The following ZFHX3 variants were observed in gnomAD, a reference collection of about 807,000 sequenced individuals.
ZFHX3 encodes zinc finger homeobox 3.
A neutral mutation model predicts 279.1 loss-of-function variants in ZFHX3; 42 were observed. That is an observed-to-expected ratio of 0.15 (90% CI 0.12 to 0.19). The LOEUF is 0.19. Among genes scored for constraint, ZFHX3 ranks in the 10% least tolerant of loss-of-function variants. The probability of loss-of-function intolerance (pLI) is 1.00; values close to 1 mark genes in which losing one functional copy is unlikely to be tolerated. For synonymous variants in ZFHX3, 2,293 were observed against 1,957.8 expected (o/e 1.17, Z -4.52); for missense variants, 4,981 against 4,754.0 (o/e 1.05, Z -1.40).
chr16:73,105,320 C>A (rs1966281964), intron 7 of ZFHX3, among the ~76,000 whole-genome samples: 1 of 133,744 alleles, frequency 7.5e-6, no homozygotes, highest in African/African-American at 2.8e-5. Flanking sequence ...TATACACACA[C>A]ATACACACAC....
intron 1 of ZFHX3, among the ~76,000 whole-genome samples, chr16:73,730,571 T>C (rs954711334): frequency 1.3e-5 from 2 of 152,120 alleles, no homozygotes; most frequent in African/African-American, 2.4e-5. Context: ...AAATTCCATA[T>C]GGTTCCCGTC....
At chr16:73,170,854 G>A (rs1209139974) in intron 5 of ZFHX3, among the ~76,000 whole-genome samples, 1 of 152,112 alleles carries the variant, frequency 6.6e-6, no homozygotes, top group African/African-American at 2.4e-5. Context: ...GCTGTATGGG[G>A]ACAAGTGCCC....
chr16:73,363,606 A>C (rs963438250), intron 3 of ZFHX3, among the ~76,000 whole-genome samples: 12 of 152,180 alleles, frequency 7.9e-5, no homozygotes, highest in Non-Finnish European at 1.8e-4. Flanking sequence ...TAAATAAATA[A>C]AATAGAAAGG....
intron 5 of ZFHX3, among the ~76,000 whole-genome samples, chr16:73,173,362 TC>T (rs1567409667): frequency 6.7e-6 from 1 of 149,992 alleles, no homozygotes; most frequent in African/African-American, 2.5e-5. Context: ...GCAGGTATTT[TC>T]CCCCCGCCCC....
At chr16:73,574,082 A>C (rs968799967) in intron 2 of ZFHX3, among the ~76,000 whole-genome samples, 1 of 152,100 alleles carries the variant, frequency 6.6e-6, no homozygotes, top group African/African-American at 2.4e-5. Context: ...GTAATCCATT[A>C]TTCATAAATT....
At chr16:73,341,949 G>C (rs1286322522) in intron 3 of ZFHX3, among the ~76,000 whole-genome samples, 1 of 152,220 alleles carries the variant, frequency 6.6e-6, no homozygotes, top group African/African-American at 2.4e-5. Flanking sequence ...GGGACATTAG[G>C]AGAGTGAGAG....
chr16:73,130,255 A>T (rs953329387), intron 7 of ZFHX3, among the ~76,000 whole-genome samples: 1 of 146,392 alleles, frequency 6.8e-6, no homozygotes, highest in Non-Finnish European at 1.5e-5. Flanking sequence ...TGGTGGAGGG[A>T]AAAAAAAAAA....
intron 1 of ZFHX3, among the ~76,000 whole-genome samples, chr16:73,695,626 C>T (rs1200736160): frequency 6.6e-6 from 1 of 152,188 alleles, no homozygotes; most frequent in East Asian, 1.9e-4. Flanking sequence ...AACCTAGTTC[C>T]ATTTATTAGC....
In ZFHX3 at chr16:73,691,436, C is replaced by G. The variant is rs1209251669; in HGVS notation, c.-1607-11196G>C. ...AATATTATCTCCAACCTTGAAGGAA[C>G]AGAAGGTGGGACCATCGGCTTTATT... On this transcript the variant is annotated intron_variant, in intron 1 of 17. Coordinates refer to the ZFHX3 transcript ENST00000641206. 2.0e-5 allele frequency among the ~76,000 whole-genome samples: 3 copies of G among 152,218 alleles called. 1 individual carries two copies. Among genetic ancestry groups the G allele is most frequent in the Non-Finnish European group, 4.4e-5 (3 of 68,050 alleles).
chr16:73,228,817 C>CA (rs2012682715), intron 5 of ZFHX3, among the ~76,000 whole-genome samples: 1 of 152,120 alleles, frequency 6.6e-6, no homozygotes, highest in Non-Finnish European at 1.5e-5. Context: ...TCTCATTTCT[C>CA]ATGACAATGG....
chr16:73,390,356 G>C (rs1188740307), intron 3 of ZFHX3, among the ~76,000 whole-genome samples: 1 of 152,108 alleles, frequency 6.6e-6, no homozygotes, highest in South Asian at 2.1e-4. Context: ...GAAGCTTCTG[G>C]AGGGCAGGAG....
intron 1 of ZFHX3, among the ~76,000 whole-genome samples, chr16:73,759,046 T>A (rs188885044): frequency 6.6e-6 from 1 of 152,224 alleles, no homozygotes; most frequent in Non-Finnish European, 1.5e-5. Context: ...CCTGATGCCA[T>A]TGGTGATTCA....
intron 3 of ZFHX3, among the ~76,000 whole-genome samples, chr16:73,417,001 C>T (rs777120276): frequency 4.6e-5 from 7 of 151,960 alleles, no homozygotes; most frequent in Non-Finnish European, 7.4e-5. Context: ...CAGATACCAC[C>T]TTACCCAAGT....
At chr16:73,753,669 G>A (rs1227006555) in intron 1 of ZFHX3, among the ~76,000 whole-genome samples, 1 of 152,188 alleles carries the variant, frequency 6.6e-6, no homozygotes, top group Non-Finnish European at 1.5e-5. Context: ...ACCCTCAAAT[G>A]CTTTGCTGGG....
chr16:73,774,873 C>T (rs144028049), intron 1 of ZFHX3, among the ~76,000 whole-genome samples: 297 of 152,244 alleles, frequency 2.0e-3, no homozygotes, highest in African/African-American at 6.8e-3. Context: ...GCATGAATTG[C>T]TCCTAATCAC....
chr16:73,777,103 C>G (rs939161580), intron 1 of ZFHX3, among the ~76,000 whole-genome samples: 181 of 152,286 alleles, frequency 1.2e-3, no homozygotes, highest in Non-Finnish European at 7.1e-4. Flanking sequence ...CCATCTAACA[C>G]ATCGATCCTA....
chr16:73,589,025 C>T (rs1300327393), intron 2 of ZFHX3, among the ~76,000 whole-genome samples: 1 of 151,844 alleles, frequency 6.6e-6, no homozygotes, highest in Admixed American at 6.6e-5. Flanking sequence ...CTTTGGGAGG[C>T]TGAGGCTGGC....
At chr16:73,451,027 C>G (rs558611860) in intron 3 of ZFHX3, among the ~76,000 whole-genome samples, 61 of 152,250 alleles carry the variant, frequency 4.0e-4, no homozygotes, top group African/African-American at 1.2e-3. Context: ...AAGCAAGACA[C>G]TGGTAGGCAA....
intron 5 of ZFHX3, among the ~76,000 whole-genome samples, chr16:72,818,526 T>C (rs992168026): frequency 1.3e-5 from 2 of 152,232 alleles, no homozygotes; most frequent in Non-Finnish European, 2.9e-5. Flanking sequence ...CAACTTGGTC[T>C]TTAAACATGC....
Sources: allele counts gnomAD v4.1 joint callset (sites outside exome capture counted in the v4.1 genomes callset), GRCh38; gene constraint gnomAD v4.1.1; transcripts MANE v1.5; gene names NCBI Gene and HGNC (gene_info 2026-07-23, HGNC 2026-07-21).